Variants in HS6ST3 observed in about 807,000 individuals in gnomAD.
The protein encoded by HS6ST3 is heparan-sulfate 6-O-sulfotransferase 3.
In HS6ST3, 12 loss-of-function variants were observed where a neutral mutation model predicts 36.7. The observed-to-expected ratio is 0.33, with a 90% confidence interval of 0.21 to 0.53. HS6ST3 has a LOEUF of 0.53. Ranked by LOEUF, HS6ST3 falls within the 20% of genes least tolerant of loss-of-function variation. The pLI, the probability that HS6ST3 is intolerant of heterozygous loss-of-function variation, is 0.95. For synonymous variants in HS6ST3, 240 were observed against 257.5 expected (o/e 0.93, Z 0.65); for missense variants, 584 against 640.9 (o/e 0.91, Z 0.96).
chr13:96,267,806 G>T (rs979985273), intron 1 of HS6ST3, among the ~76,000 whole-genome samples: 1 of 151,994 alleles, frequency 6.6e-6, no homozygotes, highest in Non-Finnish European at 1.5e-5. Context: ...GAAGTAGGCA[G>T]GGGAAGGGGC....
At chr13:96,466,777 G>T (rs1215145140) in intron 1 of HS6ST3, among the ~76,000 whole-genome samples, 1 of 102,456 alleles carries the variant, frequency 9.8e-6, no homozygotes. Flanking sequence ...GCAATTCTAT[G>T]TCAATTATAT....
intron 1 of HS6ST3, among the ~76,000 whole-genome samples, chr13:96,383,940 G>T (rs1055381069): frequency 1.3e-5 from 2 of 152,180 alleles, no homozygotes; most frequent in African/African-American, 2.4e-5. Context: ...CCATCCTCCA[G>T]AGAAGCCTGA....
chr13:96,398,432 G>A (rs1049022838), intron 1 of HS6ST3, among the ~76,000 whole-genome samples: 1 of 151,976 alleles, frequency 6.6e-6, no homozygotes, highest in Non-Finnish European at 1.5e-5. Flanking sequence ...ACAGAGACCC[G>A]CCACCATGCT....
chr13:96,461,942 C>T (rs543554119), intron 1 of HS6ST3, among the ~76,000 whole-genome samples: 1 of 152,282 alleles, frequency 6.6e-6, no homozygotes, highest in African/African-American at 2.4e-5. Flanking sequence ...CACATGAAAT[C>T]CAGATACATC....
chr13:96,527,399 C>T (rs1047738850), intron 1 of HS6ST3, among the ~76,000 whole-genome samples: 2 of 152,130 alleles, frequency 1.3e-5, no homozygotes, highest in Non-Finnish European at 2.9e-5. Flanking sequence ...CATGTTAGAA[C>T]TGTGGTGGCA....
intron 1 of HS6ST3, among the ~76,000 whole-genome samples, chr13:96,702,084 A>C (rs942628326): frequency 1.3e-5 from 2 of 152,224 alleles, no homozygotes; most frequent in African/African-American, 4.8e-5. Flanking sequence ...GGGCTGAGAG[A>C]TGATGTGAAA....
At chr13:96,230,664 G>A (rs1213514350) in intron 1 of HS6ST3, among the ~76,000 whole-genome samples, 1 of 152,136 alleles carries the variant, frequency 6.6e-6, no homozygotes, top group African/African-American at 2.4e-5. Context: ...AGAGAGGACT[G>A]GATGGGAATG....
At chr13:96,360,171 A>G (rs2055230554) in intron 1 of HS6ST3, among the ~76,000 whole-genome samples, 1 of 152,134 alleles carries the variant, frequency 6.6e-6, no homozygotes, top group Admixed American at 6.5e-5. Context: ...GGGTGCTGGC[A>G]CAATCCAACA....
chr13:96,114,468 T>C (rs2053884586), intron 1 of HS6ST3, among the ~76,000 whole-genome samples: 1 of 152,316 alleles, frequency 6.6e-6, no homozygotes, highest in Non-Finnish European at 1.5e-5. Flanking sequence ...TCTTTATTAC[T>C]ATTAAAAGCA....
intron 1 of HS6ST3, among the ~76,000 whole-genome samples, chr13:96,179,276 A>G (rs79817443): frequency 0.011 from 1,645 of 152,334 alleles, 34 homozygotes; most frequent in African/African-American, 0.038. Flanking sequence ...CAGTAATAGG[A>G]CTGCATTCCT....
chr13:96,811,249 G>A (rs1276089465), intron 1 of HS6ST3, among the ~76,000 whole-genome samples: 1 of 152,170 alleles, frequency 6.6e-6, no homozygotes, highest in Non-Finnish European at 1.5e-5. Flanking sequence ...ACCATTAGGA[G>A]CCCGTGCCAC....
intron 1 of HS6ST3, among the ~76,000 whole-genome samples, chr13:96,254,070 G>T (rs1432628379): frequency 6.6e-6 from 1 of 152,082 alleles, no homozygotes; most frequent in Non-Finnish European, 1.5e-5. Flanking sequence ...TTTTCTGAAT[G>T]TGTATAGGTT....
intron 1 of HS6ST3, among the ~76,000 whole-genome samples, chr13:96,753,657 G>GT (rs1407435474): frequency 1.3e-5 from 2 of 151,998 alleles, no homozygotes; most frequent in African/African-American, 4.8e-5. Flanking sequence ...CTCTTTGGTT[G>GT]TTTTTTCTGT....
intron 1 of HS6ST3, among the ~76,000 whole-genome samples, chr13:96,627,027 G>A (rs564265878): frequency 6.6e-6 from 1 of 152,026 alleles, no homozygotes; most frequent in South Asian, 2.1e-4. Flanking sequence ...TCTGGTTCCT[G>A]TATTTTTATT....
chr13:96,499,391 T>C (rs2055992940), intron 1 of HS6ST3, among the ~76,000 whole-genome samples: 1 of 152,066 alleles, frequency 6.6e-6, no homozygotes, highest in African/African-American at 2.4e-5. Context: ...TTGTTTGGGG[T>C]CATGGGGATA....
At chr13:96,764,011 T>A (rs1414057375) in intron 1 of HS6ST3, among the ~76,000 whole-genome samples, 13 of 152,320 alleles carry the variant, frequency 8.5e-5, no homozygotes, top group Admixed American at 8.5e-4. Context: ...CTTTCTATTA[T>A]ACCCACCAAA....
At chr13:96,162,285 A>C (rs2054139318) in intron 1 of HS6ST3, among the ~76,000 whole-genome samples, 1 of 152,250 alleles carries the variant, frequency 6.6e-6, no homozygotes. Flanking sequence ...AAGTAGAATA[A>C]GGGGAATGTA....
chr13:96,274,611 C>G (rs979410659), intron 1 of HS6ST3, among the ~76,000 whole-genome samples: 7 of 152,020 alleles, frequency 4.6e-5, no homozygotes, highest in African/African-American at 7.2e-5. Context: ...GGATAAAAGT[C>G]TCACATTTGG....
At chr13:96,675,033 T>A (rs550566945) in intron 1 of HS6ST3, among the ~76,000 whole-genome samples, 1 of 152,190 alleles carries the variant, frequency 6.6e-6, no homozygotes, top group Non-Finnish European at 1.5e-5. Context: ...TTCCAGCTTT[T>A]GCTGTGCTGT....
Sources: allele counts gnomAD v4.1 joint callset (sites outside exome capture counted in the v4.1 genomes callset), GRCh38; gene constraint gnomAD v4.1.1; transcripts MANE v1.5; gene names NCBI Gene and HGNC (gene_info 2026-07-23, HGNC 2026-07-21).